GABRG3: variants seen among roughly 807,000 people sequenced by gnomAD.
GABRG3 encodes the protein gamma-aminobutyric acid receptor subunit gamma-3.
In GABRG3, 25 loss-of-function variants were observed where a neutral mutation model predicts 48.8. The ratio of observed to expected loss-of-function variants is 0.51; its 90% CI spans 0.37 to 0.72. GABRG3 has a LOEUF of 0.72. GABRG3 is among the 30% of genes least tolerant of loss of function. The pLI, the probability that GABRG3 is intolerant of heterozygous loss-of-function variation, is 0.00. For missense variants in GABRG3, 394 were observed against 577.9 expected, an observed-to-expected ratio of 0.68 and a Z score of 3.26; for synonymous variants, 227 against 217.6, an observed-to-expected ratio of 1.04 and a Z score of -0.38.
chr15:27,182,729 G>A (rs374723500), intron 3 of GABRG3, among the ~76,000 whole-genome samples: 146 of 152,296 alleles, frequency 9.6e-4, no homozygotes, highest in Non-Finnish European at 1.7e-3. Flanking sequence ...TCCATTGGAT[G>A]TGCTGTGCGC....
chr15:27,387,957 A>G (rs1595720124), intron 5 of GABRG3, among the ~76,000 whole-genome samples: 5 of 52,706 alleles, frequency 9.5e-5, no homozygotes, highest in African/African-American at 2.8e-4. Flanking sequence ...AGAGGGAGGG[A>G]GGGGAAGAAA....
intron 3 of GABRG3, among the ~76,000 whole-genome samples, chr15:27,112,464 G>A (rs1341782242): frequency 7.3e-6 from 1 of 136,520 alleles, no homozygotes; most frequent in Non-Finnish European, 1.6e-5. Context: ...TTTTGGTATG[G>A]GGTCTCACTG....
At chr15:27,487,448 G>A (rs1440501532) in intron 6 of GABRG3, among the ~76,000 whole-genome samples, 1 of 152,184 alleles carries the variant, frequency 6.6e-6, no homozygotes, top group Non-Finnish European at 1.5e-5. Flanking sequence ...ACCAGTCTCA[G>A]CAAGATCTCA....
intron 5 of GABRG3, among the ~76,000 whole-genome samples, chr15:27,423,242 TAA>T (rs58007397): frequency 0.077 from 5,717 of 74,692 alleles, 291 homozygotes; most frequent in African/African-American, 0.19. Flanking sequence ...GTCATTATGA[TAA>T]AAAAAAAAAA....
chr15:27,287,341 A>G (rs1162303662), intron 3 of GABRG3, among the ~76,000 whole-genome samples: 1 of 152,204 alleles, frequency 6.6e-6, no homozygotes, highest in Admixed American at 6.5e-5. Context: ...AACTGAATCA[A>G]AAAGAAAAAA....
At chr15:27,202,202 C>A (rs1414623918) in intron 3 of GABRG3, among the ~76,000 whole-genome samples, 1 of 152,116 alleles carries the variant, frequency 6.6e-6, no homozygotes, top group African/African-American at 2.4e-5. Context: ...GACATATACC[C>A]ATATATATTT....
chr15:27,096,237 G>C (rs1457827516), intron 3 of GABRG3, among the ~76,000 whole-genome samples: 2 of 152,150 alleles, frequency 1.3e-5, no homozygotes, highest in African/African-American at 2.4e-5. Flanking sequence ...AACTGTGTAG[G>C]GGCTCCAGGC....
At chr15:27,505,132 A>C (rs1032768704) in intron 6 of GABRG3, among the ~76,000 whole-genome samples, 1 of 152,020 alleles carries the variant, frequency 6.6e-6, no homozygotes, top group Admixed American at 6.6e-5. Context: ...CAAATCTATG[A>C]TAATTTGTTT....
At chr15:27,200,033 C>T (rs1888629581) in intron 3 of GABRG3, among the ~76,000 whole-genome samples, 1 of 151,704 alleles carries the variant, frequency 6.6e-6, no homozygotes, top group Admixed American at 6.6e-5. Context: ...CCCTTACTTT[C>T]TCCCTCCCTT....
At chr15:27,151,053 T>C (rs1338544385) in intron 3 of GABRG3, among the ~76,000 whole-genome samples, 1 of 152,202 alleles carries the variant, frequency 6.6e-6, no homozygotes, top group East Asian at 1.9e-4. Context: ...TGTAGCTTTA[T>C]ATACAGAAGC....
chr15:27,482,406 A>C (rs1268303828), intron 6 of GABRG3, among the ~76,000 whole-genome samples: 1 of 152,198 alleles, frequency 6.6e-6, no homozygotes, highest in African/African-American at 2.4e-5. Context: ...GGCCATATCC[A>C]GCATCAATTC....
intron 6 of GABRG3, among the ~76,000 whole-genome samples, chr15:27,513,024 T>A (rs936337198): frequency 2.0e-5 from 3 of 151,902 alleles, no homozygotes; most frequent in Non-Finnish European, 2.9e-5. Flanking sequence ...TGAAGAAAAT[T>A]TTAGCTCAAA....
At chr15:27,490,494 C>T (rs1420987603) in intron 6 of GABRG3, among the ~76,000 whole-genome samples, 1 of 152,196 alleles carries the variant, frequency 6.6e-6, no homozygotes, top group Non-Finnish European at 1.5e-5. Context: ...AACACAGAAT[C>T]TGAAGAAATG....
At chr15:27,115,338 C>T (rs1404473464) in intron 3 of GABRG3, among the ~76,000 whole-genome samples, 2 of 152,164 alleles carry the variant, frequency 1.3e-5, no homozygotes, top group Non-Finnish European at 2.9e-5. Flanking sequence ...TATGGAAACA[C>T]CTCTGCTCTG....
intron 5 of GABRG3, among the ~76,000 whole-genome samples, chr15:27,464,626 T>C (rs2150837216): frequency 6.6e-6 from 1 of 152,312 alleles, no homozygotes; most frequent in East Asian, 1.9e-4. Context: ...CCTCAAATAC[T>C]GTACTTCCTT....
In GABRG3 at chr15:27,180,022, G is replaced by A. The variant is rs1405124127; in HGVS notation, c.271-146787G>A. 6.6e-6 allele frequency among the ~76,000 whole-genome samples: 1 copy of A among 152,164 alleles called. No homozygotes were observed. Among genetic ancestry groups the A allele is most frequent in the Non-Finnish European group, 1.5e-5 (1 of 68,026 alleles). On this transcript the variant is annotated intron_variant, in intron 3 of 9. Transcript: ENST00000615808. This position sits in a 1 kb window ranked among gnomAD's most constrained non-coding sequence, Gnocchi z 4.2. The stretch of plus-strand genomic sequence containing the variant: ...GCACACTCATGGTTACATGGAAGTG[G>A]CTAAATGGCCTTCTGCAGAGCCACT...
At chr15:27,217,739 C>T (rs997226255) in intron 3 of GABRG3, among the ~76,000 whole-genome samples, 26 of 152,218 alleles carry the variant, frequency 1.7e-4, no homozygotes, top group African/African-American at 5.5e-4. Flanking sequence ...GCAAAACATT[C>T]TACTCTCAAC....
chr15:27,169,647 G>A (rs994662324), intron 3 of GABRG3, among the ~76,000 whole-genome samples: 15 of 152,288 alleles, frequency 9.8e-5, no homozygotes, highest in African/African-American at 3.6e-4. Context: ...TCTTTAGATA[G>A]CAGCCCTCCC....
At chr15:26,984,246 T>G (rs1330676019) in intron 2 of GABRG3, among the ~76,000 whole-genome samples, 2 of 152,126 alleles carry the variant, frequency 1.3e-5, no homozygotes, top group East Asian at 3.9e-4. Context: ...TAGGGCGCTG[T>G]TTCCAATTCC....
Sources: allele counts gnomAD v4.1 joint callset (sites outside exome capture counted in the v4.1 genomes callset), GRCh38; gene constraint gnomAD v4.1.1; non-coding constraint Gnocchi (gnomAD v3.1); transcripts MANE v1.5; gene names NCBI Gene and HGNC (gene_info 2026-07-23, HGNC 2026-07-21).